The following ABCC8 variants were observed in gnomAD, a reference collection of about 807,000 sequenced individuals.
ABCC8 encodes the protein ATP-binding cassette sub-family C member 8.
Under a neutral mutation model 188.0 loss-of-function variants are expected in ABCC8, and 137 were observed. The observed-to-expected ratio is 0.73, with a 90% CI of 0.63 to 0.84. The LOEUF is 0.84. Among genes scored for constraint, ABCC8 ranks in the 40% least tolerant of loss-of-function variants. The pLI, the probability that ABCC8 is intolerant of heterozygous loss-of-function variation, is 0.00. For synonymous variants in ABCC8, 797 were observed against 846.5 expected (o/e 0.94, Z 1.01); for missense variants, 1,750 against 2,072.7 (o/e 0.84, Z 3.02).
At chr11:17,421,605 C>A (rs1955346727) in intron 16 of ABCC8, among the ~76,000 whole-genome samples, 1 of 152,102 alleles carries the variant, frequency 6.6e-6, no homozygotes, top group Non-Finnish European at 1.5e-5. Context: ...GAATTTTGTT[C>A]CTGGCAAAGA....
At chr11:17,446,912 T>C (rs756711415) in intron 8 of ABCC8, among the ~76,000 whole-genome samples, 1 of 152,080 alleles carries the variant, frequency 6.6e-6, no homozygotes, top group Non-Finnish European at 1.5e-5. Context: ...CAAGAAGCAA[T>C]GGATTCTGGA....
intron 5 of ABCC8, 137 bp downstream of exon 5, chr11:17,461,446 G>A (rs1957184509): frequency 1.7e-6 from 2 of 1,158,496 alleles, no homozygotes; most frequent in African/African-American, 1.5e-5. Flanking sequence ...GTGACTTAAG[G>A]CAAGCTTCTT....
chr11:17,450,315 T>C (rs1591852771), intron 7 of ABCC8, among the ~76,000 whole-genome samples: 1 of 131,630 alleles, frequency 7.6e-6, no homozygotes, highest in African/African-American at 3.2e-5. Context: ...TCTTTCTTTC[T>C]TTCTTTCTTT....
chr11:17,396,863 C>T (rs1953955493), intron 33 of ABCC8, 53 bp downstream of exon 33: 1 of 1,606,572 alleles, frequency 6.2e-7, no homozygotes, highest in South Asian at 1.1e-5. Context: ...CGTGCATGCC[C>T]CATCCCCTGC....
At chr11:17,417,013 T>C (rs1465942923) in intron 16 of ABCC8, 51 bp from the exon 17 acceptor site, 2 of 1,613,056 alleles carry the variant, frequency 1.2e-6, no homozygotes, top group Non-Finnish European at 1.7e-6. Context: ...CCCACCCCAT[T>C]GCCTTTCCAT....
Position 17,412,727 on chromosome 11 carries a change from C to A in ABCC8, c.2495G>T (p.Gly832Val). ...GGCCACACTGATTCGCTGGCGTTGA[C>A]CACCAGACAGGTTGATGCCCTGTCA... ...IGERGINLSG[G>V]QRQRISVARA... The change falls in exon 21 of 39, where the codon GGT (glycine) becomes GTT (valine). Residue 832 changes from glycine to valine, a missense_variant. Gly to Val is a moderately radical substitution (Grantham distance 109, BLOSUM62 -3). Transcript: ENST00000389817. The A allele has an allele frequency of 6.2e-7, 1 of 1,611,144 alleles. No individual in the cohort carries two copies. The highest frequency in any genetic ancestry group is 8.5e-7 in the Non-Finnish European group (1 of 1,178,682).
intron 7 of ABCC8, among the ~76,000 whole-genome samples, chr11:17,450,047 A>G (rs1327674267): frequency 6.6e-6 from 1 of 152,240 alleles, no homozygotes; most frequent in African/African-American, 2.4e-5. Context: ...AGACCAGCAT[A>G]CACAGAAATG....
At chr11:17,394,568 T>C (rs564878083) in intron 36 of ABCC8, 169 bp from the exon 37 acceptor site, 800 of 787,432 alleles carry the variant, frequency 1.0e-3, no homozygotes, top group Non-Finnish European at 1.1e-3. Flanking sequence ...GACACAACAA[T>C]GTGGAGGCCG....
At chr11:17,399,449 T>TCCCTACC (rs1031030628) in intron 29 of ABCC8, among the ~76,000 whole-genome samples, 1 of 152,098 alleles carries the variant, frequency 6.6e-6, no homozygotes, top group Non-Finnish European at 1.5e-5. Context: ...ACTAAAGTCT[T>TCCCTACC]CCCTACCCCA....
chr11:17,464,694 C>T (rs998147621), intron 3 of ABCC8, among the ~76,000 whole-genome samples: 3 of 152,252 alleles, frequency 2.0e-5, no homozygotes, highest in Non-Finnish European at 4.4e-5. Flanking sequence ...TAAATTCTCG[C>T]ACACACACTC....
chr11:17,415,525 G>C (rs997947656), intron 17 of ABCC8, 186 bp from the exon 18 acceptor site: 2 of 864,526 alleles, frequency 2.3e-6, no homozygotes, highest in South Asian at 5.3e-5. Flanking sequence ...GGAAGCCTCT[G>C]CTGCCTGACC....
intron 21 of ABCC8, 105 bp from the exon 22 acceptor site, chr11:17,410,758 G>A: frequency 3.3e-6 from 5 of 1,534,128 alleles, no homozygotes; most frequent in Admixed American, 3.6e-5. Context: ...TCTGCTCTAG[G>A]GACTGAAGCT....
chr11:17,463,613 G>A lies in ABCC8; in HGVS notation c.413-9C>T, dbSNP rs764833250. 3 of 1,568,172 alleles carry A rather than the reference G, an allele frequency of 1.9e-6. No homozygotes were observed. Among genetic ancestry groups the A allele is most frequent in the Non-Finnish European group, 2.6e-6 (3 of 1,156,018 alleles). On this transcript the variant is annotated splice_polypyrimidine_tract_variant and intron_variant, in intron 3 of 38. Transcript: ENST00000389817. ...CCAATACACCAGCAGGGCTGCCGAG[G>A]AGAGATGGAAGATCGCAGAGACGTG...
chr11:17,476,172 C>T (rs1330796519), intron 1 of ABCC8, among the ~76,000 whole-genome samples: 1 of 152,170 alleles, frequency 6.6e-6, no homozygotes, highest in Non-Finnish European at 1.5e-5. Flanking sequence ...GTTAGCTGGG[C>T]CTCCATCCCA....
intron 4 of ABCC8, 82 bp downstream of exon 4, chr11:17,463,356 A>C: frequency 1.7e-6 from 2 of 1,186,768 alleles, no homozygotes; most frequent in Non-Finnish European, 2.4e-6. Context: ...GCTGAGAAGC[A>C]GGGTGGGGGC....
intron 3 of ABCC8, 161 bp from the exon 4 acceptor site, chr11:17,463,765 C>A: frequency 2.6e-6 from 1 of 389,886 alleles, no homozygotes; most frequent in African/African-American, 2.2e-5. Flanking sequence ...TATCAGAGTA[C>A]ATGACTCTAA....
chr11:17,415,331 C>G lies in ABCC8; in HGVS notation c.2264G>C (p.Arg755Pro). The change falls in exon 18 of 39, where the codon CGG becomes CCG. Residue 755 changes from arginine to proline, a missense_variant. Coordinates refer to ENST00000389817, the MANE Select transcript of ABCC8 (RefSeq NM_000352.6). ...SEIGEDPSPE[R>P]ETATDLDIRK... is the part of the protein sequence containing the mutation. ...GATATCCAAGTCGGTCGCTGTCTCCCGCTCTGGGCTGCAGCAGGGGAGGAA... is the reference window on the plus strand; with the variant it reads ...GATATCCAAGTCGGTCGCTGTCTCCGGCTCTGGGCTGCAGCAGGGGAGGAA... The G allele has an allele frequency of 1.2e-6, 2 of 1,610,632 alleles. No homozygotes were observed. Among genetic ancestry groups the G allele is most frequent in the Non-Finnish European group, 1.7e-6 (2 of 1,178,994 alleles).
intron 10 of ABCC8, among the ~76,000 whole-genome samples, chr11:17,433,583 T>G (rs944156344): frequency 6.6e-6 from 1 of 152,250 alleles, no homozygotes; most frequent in Non-Finnish European, 1.5e-5. Context: ...GGATTCCCAG[T>G]CTGAGGACGG....
chr11:17,447,737 C>T (rs1392351317), intron 8 of ABCC8, among the ~76,000 whole-genome samples: 1 of 152,186 alleles, frequency 6.6e-6, no homozygotes, highest in East Asian at 1.9e-4. Flanking sequence ...GTAGCTGGGG[C>T]TATAGTTGTG....
Sources: allele counts gnomAD v4.1 joint callset (sites outside exome capture counted in the v4.1 genomes callset), GRCh38; gene constraint gnomAD v4.1.1; transcripts MANE v1.5; gene names NCBI Gene and HGNC (gene_info 2026-07-23, HGNC 2026-07-21).